Variants in COL27A1 observed in about 807,000 individuals in gnomAD.
COL27A1 encodes collagen alpha-1(XXVII) chain.
COL27A1 carries 106 observed loss-of-function variants against 251.3 expected under a neutral mutation model. The observed-to-expected ratio is 0.42, with a 90% CI of 0.36 to 0.50. The LOEUF is 0.50. COL27A1 is among the 20% of genes least tolerant of loss of function. The probability of loss-of-function intolerance (pLI) is 0.00; values close to 1 mark genes in which losing one functional copy is unlikely to be tolerated. For synonymous variants in COL27A1, 1,000 were observed against 986.3 expected, an observed-to-expected ratio of 1.01 and a Z score of -0.26; for missense variants, 2,325 against 2,522.8, an observed-to-expected ratio of 0.92 and a Z score of 1.68.
In COL27A1 at chr9:114,266,578, C is replaced by G; in HGVS notation, c.3407C>G (p.Pro1136Arg). 1 of 1,613,712 alleles carries G rather than the reference C, an allele frequency of 6.2e-7. No homozygotes were observed. The highest frequency in any genetic ancestry group is 8.5e-7 in the Non-Finnish European group (1 of 1,179,718). ...TCTGTCTTCCAGGGCCCTCAGGGAC[C>G]CCAGGGGCCAATTGGGCCTCCAGGA... ...GLPGEPGPQG[P>R]QGPIGPPGEM... Residue 1136 changes from proline (P) to arginine (R), a missense_variant, in exon 33 of 61, where the codon CCC becomes CGC. By Grantham distance (103) the Pro-to-Arg change is moderately radical. Coordinates refer to ENST00000356083, the MANE Select transcript of COL27A1 (RefSeq NM_032888.4).
rs956015868 is a variant in COL27A1 at position 114,235,501 on chromosome 9, A to T, written c.2566-98A>T. The T allele has an allele frequency of 7.6e-6, 7 of 918,264 alleles. No homozygotes were observed. In the African/African-American group the frequency reaches 9.8e-5, roughly 13 times the overall value. The allele number at this position is 918,264 out of a possible 1,614,324, so 56.9% of individuals were successfully genotyped here. On this transcript the variant is annotated intron_variant, in intron 16 of 60. Coordinates refer to ENST00000356083, the MANE Select transcript of COL27A1 (RefSeq NM_032888.4). Reference sequence around the variant, plus strand: ...GCTGGCCGGATCCGACTTGGGAAACAGCCTCGGCACAGCTGTACCTCGCCA... The same window carrying T: ...GCTGGCCGGATCCGACTTGGGAAACTGCCTCGGCACAGCTGTACCTCGCCA...
At chr9:114,301,354 C>T (rs889466977) in intron 53 of COL27A1, 35 bp downstream of exon 53, 6 of 1,103,540 alleles carry the variant, frequency 5.4e-6, no homozygotes, top group Non-Finnish European at 8.0e-6. Context: ...GGATGCAGCA[C>T]TGCAGGGGCG....
rs188426897 is a variant in COL27A1 at position 114,289,905 on chromosome 9, G to C, written c.4207-153G>C. Among the ~76,000 whole-genome samples, 515 of 152,272 alleles carry C rather than the reference G, an allele frequency of 3.4e-3. 3 individuals are homozygous for C. The highest frequency in any genetic ancestry group is 0.012 in the African/African-American group (498 of 41,554). Reference sequence around the variant, plus strand: ...CCCAGGAGGTTCCAAGGCCAGCTCTGGCCCCAGGCTTCCAGGCCAGAGTGC... The same window carrying C: ...CCCAGGAGGTTCCAAGGCCAGCTCTCGCCCCAGGCTTCCAGGCCAGAGTGC... On this transcript the variant is annotated intron_variant, in intron 45 of 60. Coordinates refer to ENST00000356083, the MANE Select transcript of COL27A1 (RefSeq NM_032888.4).
intron 5 of COL27A1, among the ~76,000 whole-genome samples, chr9:114,184,996 G>C (rs991243545): frequency 1.3e-5 from 2 of 152,116 alleles, no homozygotes; most frequent in Non-Finnish European, 2.9e-5. Context: ...CTGCTCCTGT[G>C]GTAGCAGATG....
chr9:114,310,484 A>C, intron 60 of COL27A1, 65 bp from the exon 61 acceptor site: 1 of 1,577,210 alleles, frequency 6.3e-7, no homozygotes, highest in Non-Finnish European at 8.7e-7. Flanking sequence ...TGGAAGGGAA[A>C]ATGCTCATGA....
rs933851721 is a variant in COL27A1 at position 114,307,563 on chromosome 9, T to C, written c.5108-106T>C. ...CTGCTCACCCACCCTGACTTCATGC[T>C]CACCTGGGGCTCGGCAGGTCACAAG... On this transcript the variant is annotated intron_variant, in intron 58 of 60. Transcript: ENST00000356083. 1.9e-5 allele frequency: 15 copies of C among 782,938 alleles called. No homozygotes were observed. The African/African-American group carries it at 2.6e-4, about 13-fold the overall frequency. 48.5% of individuals were successfully genotyped at this position (782,938 alleles called of 1,614,324 possible).
chr9:114,202,375 C>G (rs997409954), intron 7 of COL27A1, among the ~76,000 whole-genome samples: 4 of 152,152 alleles, frequency 2.6e-5, no homozygotes, highest in African/African-American at 9.7e-5. Context: ...TCTTTGCAGG[C>G]AGGTAGAATA....
chr9:114,289,375 A>C, intron 45 of COL27A1, 80 bp downstream of exon 45: 3 of 1,383,226 alleles, frequency 2.2e-6, no homozygotes, highest in Non-Finnish European at 2.9e-6. Context: ...AGCAAACCAA[A>C]CGCAGGCTGC....
chr9:114,223,256 G>A (rs544133538), intron 14 of COL27A1, among the ~76,000 whole-genome samples: 143 of 152,310 alleles, frequency 9.4e-4, no homozygotes, highest in African/African-American at 3.2e-3. Flanking sequence ...TTGGGGGCCC[G>A]TGGAGGGACA....
intron 2 of COL27A1, among the ~76,000 whole-genome samples, chr9:114,163,021 G>A (rs1222748126): frequency 1.3e-5 from 2 of 152,074 alleles, no homozygotes; most frequent in Non-Finnish European, 2.9e-5. Flanking sequence ...GGATCACGAG[G>A]TCAGGAGATC....
chr9:114,282,375 C>T (rs1351927061), intron 38 of COL27A1, 45 bp downstream of exon 38: 19 of 1,611,208 alleles, frequency 1.2e-5, no homozygotes, highest in South Asian at 2.2e-5. Flanking sequence ...CCCTCCCCCG[C>T]ATCCCTTCCC....
chr9:114,251,915 C>T (rs1263500563), intron 25 of COL27A1, among the ~76,000 whole-genome samples: 2 of 152,236 alleles, frequency 1.3e-5, no homozygotes, highest in African/African-American at 4.8e-5. Context: ...GTGCCTTGCT[C>T]CATGGGAGCA....
At chr9:114,181,769 C>A (rs1417343585) in intron 4 of COL27A1, among the ~76,000 whole-genome samples, 1 of 152,146 alleles carries the variant, frequency 6.6e-6, no homozygotes, top group East Asian at 1.9e-4. Flanking sequence ...CTGGGAAAAT[C>A]CAGCGCCATG....
Position 114,290,923 on chromosome 9 carries a change from A to G in COL27A1, c.4476+6A>G, listed in dbSNP as rs1177835892. On this transcript the variant is annotated splice_donor_region_variant and intron_variant, in intron 48 of 60. Transcript: ENST00000356083. The surrounding 1 kb of genome is among the most constrained non-coding windows in gnomAD (Gnocchi z 4.6). The stretch of plus-strand genomic sequence containing the variant: ...AGGGACCCCCAGGATTCAAGGTCAG[A>G]TACCTCTTAATACACTTACCCACCC... 9 of 1,541,374 alleles carry G rather than the reference A, an allele frequency of 5.8e-6. No homozygotes were observed. Among genetic ancestry groups the G allele is most frequent in the Non-Finnish European group, 7.9e-6 (9 of 1,138,356 alleles).
intron 37 of COL27A1, among the ~76,000 whole-genome samples, chr9:114,276,749 C>T (rs1053662468): frequency 2.0e-5 from 3 of 152,226 alleles, no homozygotes; most frequent in Non-Finnish European, 4.4e-5. Context: ...CAGACCCTCA[C>T]GAGCATCTTC....
intron 17 of COL27A1, among the ~76,000 whole-genome samples, chr9:114,236,536 C>A (rs1471804451): frequency 1.3e-5 from 2 of 152,212 alleles, no homozygotes; most frequent in Non-Finnish European, 2.9e-5. Flanking sequence ...ATCTGGAACT[C>A]TCCCGGCCAG....
intron 59 of COL27A1, among the ~76,000 whole-genome samples, chr9:114,308,866 G>A (rs965163041): frequency 6.6e-6 from 1 of 152,218 alleles, no homozygotes; most frequent in Non-Finnish European, 1.5e-5. Flanking sequence ...TTGGGACTTA[G>A]GAAGGGTCTC....
intron 1 of COL27A1, among the ~76,000 whole-genome samples, chr9:114,159,001 C>T (rs1848313922): frequency 6.6e-6 from 1 of 152,174 alleles, no homozygotes; most frequent in Admixed American, 6.5e-5. Context: ...AGAATCTGAC[C>T]CCTAGATGAT....
chr9:114,189,308 C>G (rs1036056839), intron 5 of COL27A1, among the ~76,000 whole-genome samples: 2 of 152,210 alleles, frequency 1.3e-5, no homozygotes, highest in African/African-American at 4.8e-5. Context: ...GTTAAACCAT[C>G]TTTCCTCCAC....
Sources: allele counts gnomAD v4.1 joint callset (sites outside exome capture counted in the v4.1 genomes callset), GRCh38; gene constraint gnomAD v4.1.1; non-coding constraint Gnocchi (gnomAD v3.1); transcripts MANE v1.5; gene names NCBI Gene and HGNC (gene_info 2026-07-23, HGNC 2026-07-21).